The following CADM2 variants were observed in gnomAD, a reference collection of about 807,000 sequenced individuals.
CADM2 encodes the protein immunoglobulin superfamily member 4D.
In CADM2, 12 loss-of-function variants were observed where a neutral mutation model predicts 49.8. The ratio of observed to expected loss-of-function variants is 0.24; its 90% CI spans 0.15 to 0.39. CADM2 has a LOEUF of 0.39. Among genes scored for constraint, CADM2 ranks in the 10% least tolerant of loss-of-function variants. The pLI is 1.00. For synonymous variants in CADM2, 214 were observed against 175.4 expected (o/e 1.22, Z -1.74); for missense variants, 378 against 492.3 (o/e 0.77, Z 2.20).
At chr3:85,540,448 T>C (rs992523157) in intron 1 of CADM2, among the ~76,000 whole-genome samples, 4 of 152,138 alleles carry the variant, frequency 2.6e-5, no homozygotes, top group Non-Finnish European at 4.4e-5. Context: ...TTGAGACTAC[T>C]TAAAACATAT....
At chr3:85,225,074 G>T (rs1171616358) in intron 1 of CADM2, among the ~76,000 whole-genome samples, 1 of 152,082 alleles carries the variant, frequency 6.6e-6, no homozygotes, top group African/African-American at 2.4e-5. Context: ...GGATTGTCTT[G>T]GCTATGCTCG....
intron 1 of CADM2, among the ~76,000 whole-genome samples, chr3:85,536,676 T>C (rs1189440406): frequency 6.6e-6 from 1 of 152,086 alleles, no homozygotes; most frequent in Non-Finnish European, 1.5e-5. Context: ...TTGAGTAAAC[T>C]AGGAGTGTGT....
At chr3:85,871,332 T>G (rs2075919127) in intron 3 of CADM2, among the ~76,000 whole-genome samples, 1 of 152,154 alleles carries the variant, frequency 6.6e-6, no homozygotes, top group Admixed American at 6.5e-5. Flanking sequence ...CTAAATGTTT[T>G]TTAAGTCTGG....
chr3:85,995,156 TA>T (rs1339759355), intron 8 of CADM2, among the ~76,000 whole-genome samples: 3 of 152,096 alleles, frequency 2.0e-5, no homozygotes, highest in Admixed American at 2.0e-4. Flanking sequence ...AACATTGTGG[TA>T]AAATAGTACT....
chr3:86,009,232 C>CAT (rs1468899326), intron 8 of CADM2, among the ~76,000 whole-genome samples: 5 of 138,804 alleles, frequency 3.6e-5, no homozygotes, highest in Admixed American at 1.5e-4. Context: ...TATATATATA[C>CAT]ATATATATAT....
chr3:85,675,960 C>G (rs1460180356), intron 1 of CADM2, among the ~76,000 whole-genome samples: 2 of 152,302 alleles, frequency 1.3e-5, no homozygotes, highest in African/African-American at 4.8e-5. Flanking sequence ...ACCAGGCTTT[C>G]AGCATTTACA....
chr3:85,861,174 G>A (rs887193274), intron 3 of CADM2, among the ~76,000 whole-genome samples: 1 of 152,166 alleles, frequency 6.6e-6, no homozygotes, highest in African/African-American at 2.4e-5. Context: ...AAGGTAACCA[G>A]AAAGGTCAGT....
At chr3:85,067,101 T>C (rs1372785407) in intron 1 of CADM2, among the ~76,000 whole-genome samples, 2 of 152,180 alleles carry the variant, frequency 1.3e-5, no homozygotes, top group Non-Finnish European at 2.9e-5. Context: ...TTTTAAAAAA[T>C]GTTGTACTCT....
rs1338062590 is a variant in CADM2, at chr3:85,570,602, T to G, written c.62-155920T>G. Among the ~76,000 whole-genome samples, 6 of 152,184 alleles carry G rather than the reference T, an allele frequency of 3.9e-5. No individual in the cohort carries two copies. The South Asian group carries it at 1.2e-3, about 32-fold the overall frequency. ...TTTGTGAGCACAAAAATAGGTAGCG[T>G]TTTTAAAAACTGATTTTGAGACTTA... On this transcript the variant is annotated intron_variant, in intron 1 of 9. Transcript: ENST00000383699.
chr3:85,728,557 A>G (rs946495622), intron 2 of CADM2, among the ~76,000 whole-genome samples: 4 of 152,156 alleles, frequency 2.6e-5, no homozygotes, highest in Non-Finnish European at 5.9e-5. Context: ...AAAAGTGGAT[A>G]AGAGGAAAAT....
chr3:86,037,283 C>T (rs758409265), intron 8 of CADM2, among the ~76,000 whole-genome samples: 33 of 152,112 alleles, frequency 2.2e-4, no homozygotes, highest in African/African-American at 3.6e-4. Context: ...TTAATGTCAA[C>T]GCTTAACATA....
intron 8 of CADM2, among the ~76,000 whole-genome samples, chr3:85,996,256 C>G (rs1384355703): frequency 6.7e-6 from 1 of 149,252 alleles, no homozygotes; most frequent in South Asian, 2.1e-4. Flanking sequence ...CCTGAAAGGC[C>G]TTGCCAAGTT....
chr3:85,008,628 AC>A (rs2033851499), intron 1 of CADM2, among the ~76,000 whole-genome samples: 1 of 152,054 alleles, frequency 6.6e-6, no homozygotes, highest in Admixed American at 6.6e-5. Flanking sequence ...CTACTCAAAA[AC>A]AAAAATTAGA....
intron 1 of CADM2, among the ~76,000 whole-genome samples, chr3:85,577,165 A>T (rs1332388661): frequency 6.6e-6 from 1 of 152,106 alleles, no homozygotes; most frequent in African/African-American, 2.4e-5. Flanking sequence ...TTGTGCATTC[A>T]CCATTCATAA....
At chr3:85,561,658 A>G (rs2062097495) in intron 1 of CADM2, among the ~76,000 whole-genome samples, 1 of 152,194 alleles carries the variant, frequency 6.6e-6, no homozygotes, top group Non-Finnish European at 1.5e-5. Flanking sequence ...AGTGTCTTCT[A>G]TGAGCAGCTA....
chr3:85,025,317 A>G (rs1348165844), intron 1 of CADM2, among the ~76,000 whole-genome samples: 1 of 152,176 alleles, frequency 6.6e-6, no homozygotes, highest in African/African-American at 2.4e-5. Flanking sequence ...AAGCAGTTAC[A>G]GTCAAGAAAT....
chr3:85,773,188 G>C (rs573531186), intron 2 of CADM2, among the ~76,000 whole-genome samples: 10 of 151,990 alleles, frequency 6.6e-5, no homozygotes, highest in Non-Finnish European at 1.5e-4. Flanking sequence ...CTGTCAAAAT[G>C]TCATAGTCAG....
intron 8 of CADM2, among the ~76,000 whole-genome samples, chr3:85,996,266 T>C (rs115670440): frequency 1.3e-5 from 2 of 150,120 alleles, no homozygotes; most frequent in Admixed American, 1.3e-4. Flanking sequence ...CTTGCCAAGT[T>C]AAAAGCTTCC....
chr3:85,802,075 G>A lies in CADM2; in HGVS notation c.117G>A (p.Gln39=), dbSNP rs761375901. 1.9e-6 allele frequency: 3 copies of A among 1,612,404 alleles called. No individual in the cohort carries two copies. In the East Asian group the frequency reaches 6.7e-5, roughly 36 times the overall value. ...GCCAAGGGCAGTTTCCACTAACACA[G>A]AATGTAACCGTTGTTGAAGGTGGAA... is the stretch of plus-strand genomic sequence containing the variant. ...KGSQGQFPLT[Q]NVTVVEGGTA... The change falls in exon 3 of 10, where the codon CAG becomes CAA. Residue 39 remains glutamine, a synonymous_variant. Coordinates refer to ENST00000383699, the MANE Select transcript of CADM2 (RefSeq NM_001167675.2).
Sources: allele counts gnomAD v4.1 joint callset (sites outside exome capture counted in the v4.1 genomes callset), GRCh38; gene constraint gnomAD v4.1.1; transcripts MANE v1.5; gene names NCBI Gene and HGNC (gene_info 2026-07-23, HGNC 2026-07-21).